CELF2: variants seen among roughly 807,000 people sequenced by gnomAD.
CELF2 encodes CUG triplet repeat RNA-binding protein 2.
Under a neutral mutation model 62.6 loss-of-function variants are expected in CELF2, and 8 were observed. The observed-to-expected ratio is 0.13, with a 90% confidence interval of 0.07 to 0.23. CELF2 has a LOEUF of 0.23. Ranked by LOEUF, CELF2 falls within the 10% of genes least tolerant of loss-of-function variation. CELF2 has a pLI of 1.00. For synonymous variants in CELF2, 258 were observed against 250.0 expected (o/e 1.03, Z -0.30); for missense variants, 333 against 671.0 (o/e 0.50, Z 5.56).
chr10:11,310,842 G>T lies in CELF2; in HGVS notation c.977-3297G>T, dbSNP rs1221957891. Among the ~76,000 whole-genome samples the T allele has an allele frequency of 7.3e-5, 11 of 150,902 alleles. No individual in the cohort carries two copies. The Admixed American group carries it at 7.3e-4, about 10-fold the overall frequency. On this transcript the variant is annotated intron_variant, in intron 9 of 12. Transcript: ENST00000633077. ...GGAAAAACCCTAAAATGTATAGTAA[G>T]ATTTTTTAAAATATTTTTAATGACA...
the CELF2 span, among the ~76,000 whole-genome samples, chr10:10,494,323 A>G: frequency 6.6e-6 from 1 of 152,242 alleles, no homozygotes; most frequent in South Asian, 2.1e-4. Flanking sequence ...AATTTCTAAT[A>G]ACACATGGAC....
chr10:10,714,732 A>T, the CELF2 span, among the ~76,000 whole-genome samples: 1 of 152,194 alleles, frequency 6.6e-6, no homozygotes, highest in Non-Finnish European at 1.5e-5. Context: ...AAAATGTAAA[A>T]GTGGGCATGT....
At chr10:10,574,291 T>G in the CELF2 span, among the ~76,000 whole-genome samples, 3,369 of 152,220 alleles carry the variant, frequency 0.022, 128 homozygotes, top group African/African-American at 0.076. Context: ...CTGTCATCAG[T>G]AGGACCAACT....
rs1215779199 is a variant in CELF2, at chr10:11,290,547, CCACT to C, written c.976+1998_976+2001del. 6.6e-6 allele frequency among the ~76,000 whole-genome samples: 1 copy of C among 151,802 alleles called. No individual in the cohort carries two copies. The highest frequency in any genetic ancestry group is 1.5e-5 in the Non-Finnish European group (1 of 67,944). The stretch of plus-strand genomic sequence containing the variant: ...TCTAAAAAAAAAAAAAAAATGTGGG[CCACT>C]CAGACGGTCTAGGGCGACGGCCTAG... On this transcript the variant is annotated intron_variant, in intron 9 of 12. Transcript: ENST00000633077. The surrounding 1 kb of genome is among the most constrained non-coding windows in gnomAD (Gnocchi z 4.3).
chr10:10,845,988 G>C (rs531231832), intron 1 of CELF2: 1 of 289,834 alleles, frequency 3.5e-6, no homozygotes, highest in African/African-American at 2.3e-5. Flanking sequence ...ACATCAAGAC[G>C]TAAGTGCGTC....
At position 11,211,426 on chromosome 10, in the gene CELF2, G is replaced by A. The variant is rs773925465; in HGVS notation, c.272-5999G>A. Among the ~76,000 whole-genome samples the A allele has an allele frequency of 4.0e-4, 61 of 152,130 alleles. No homozygotes were observed. The highest frequency in any genetic ancestry group is 8.4e-4 in the Non-Finnish European group (57 of 68,036). On this transcript the variant is annotated intron_variant, in intron 2 of 12. Transcript: ENST00000633077. The surrounding 1 kb of genome is among the most constrained non-coding windows in gnomAD (Gnocchi z 4.8). ...TGAGTATGGTGTCAGTTTTCTTAAG[G>A]GCAGAATGAGTTTAAAATCTGACCT... is the stretch of plus-strand genomic sequence containing the variant.
chr10:10,632,816 C>A, the CELF2 span, among the ~76,000 whole-genome samples: 5 of 152,178 alleles, frequency 3.3e-5, no homozygotes, highest in Admixed American at 3.3e-4. Context: ...CAATGGTGAT[C>A]ACCAAGGCTC....
At chr10:10,486,585 T>C in the CELF2 span, among the ~76,000 whole-genome samples, 1 of 152,148 alleles carries the variant, frequency 6.6e-6, no homozygotes, top group South Asian at 2.1e-4. Context: ...TTTTGTCATA[T>C]TTGCATTATA....
At chr10:10,682,926 T>C in the CELF2 span, among the ~76,000 whole-genome samples, 1 of 152,172 alleles carries the variant, frequency 6.6e-6, no homozygotes, top group Admixed American at 6.5e-5. Context: ...AGCAGTCAGC[T>C]GTATATGAAC....
Position 11,332,039 on chromosome 10 carries a change from G to A in CELF2, c.*2986G>A, listed in dbSNP as rs1566057392. 6.6e-6 allele frequency: 1 copy of A among 152,084 alleles called. No homozygotes were observed. The highest frequency in any genetic ancestry group is 2.4e-5 in the African/African-American group (1 of 41,378). 9.4% of individuals were successfully genotyped at this position (152,084 alleles called of 1,614,324 possible). ...CAATTCCACGAGGCCAATCTAAAGG[G>A]AAAAAATCCTACACTACTTTTACTA... On this transcript the variant is annotated 3_prime_UTR_variant, in exon 13 of 13. Transcript: ENST00000633077.
At chr10:10,568,961 G>A in the CELF2 span, among the ~76,000 whole-genome samples, 2 of 152,078 alleles carry the variant, frequency 1.3e-5, no homozygotes, top group African/African-American at 4.8e-5. Context: ...ATGCTTTCAG[G>A]CCATTCCTTC....
rs541813848 is a variant in CELF2, at chr10:10,924,475, A to G, written c.89+4476A>G. Among the ~76,000 whole-genome samples, 3 of 152,258 alleles carry G rather than the reference A, an allele frequency of 2.0e-5. No homozygotes were observed. In the South Asian group the frequency reaches 6.2e-4, roughly 32 times the overall value. ...ATGAAGGGATATAATAGACCTTAAC[A>G]GAAGTATCTTAAGTACTGCAGTAGA... On this transcript the variant is annotated intron_variant, in intron 2 of 13. Coordinates refer to the CELF2 transcript ENST00000636488.
chr10:10,870,355 C>G (rs1017572528), intron 1 of CELF2, among the ~76,000 whole-genome samples: 2 of 151,922 alleles, frequency 1.3e-5, no homozygotes, highest in Non-Finnish European at 2.9e-5. Context: ...TTTAAGTCTT[C>G]TCAATAATTA....
Position 11,075,532 on chromosome 10 carries a change from A to G in CELF2, c.74+57369A>G, listed in dbSNP as rs1022255363. 5.3e-5 allele frequency among the ~76,000 whole-genome samples: 8 copies of G among 152,194 alleles called. No individual in the cohort carries two copies. The highest frequency in any genetic ancestry group is 2.9e-5 in the Non-Finnish European group (2 of 68,026). On this transcript the variant is annotated intron_variant, in intron 1 of 12. Transcript: ENST00000633077. This position sits in a 1 kb window ranked among gnomAD's most constrained non-coding sequence, Gnocchi z 5.4. ...GTTGAAGGTGTTTTATTCTATCTGC[A>G]AAGAGCTCTAAGAAACTCAAAAGAA...
chr10:10,577,614 T>C, the CELF2 span, among the ~76,000 whole-genome samples: 1 of 151,486 alleles, frequency 6.6e-6, no homozygotes, highest in Non-Finnish European at 1.5e-5. Flanking sequence ...GCGGTGTTTG[T>C]TTTTTTGTCC....
chr10:11,240,137 TA>T, intron 3 of CELF2, among the ~76,000 whole-genome samples: 1 of 152,360 alleles, frequency 6.6e-6, no homozygotes, highest in South Asian at 2.1e-4. Context: ...GGAGGTTAGG[TA>T]AATGCCATAT....
At chr10:10,905,616 C>A (rs549528472) in intron 1 of CELF2, among the ~76,000 whole-genome samples, 2 of 151,146 alleles carry the variant, frequency 1.3e-5, no homozygotes, top group African/African-American at 4.9e-5. Context: ...TGGTGGCTCA[C>A]GCCTGTAATC....
chr10:10,664,531 G>C, the CELF2 span, among the ~76,000 whole-genome samples: 1 of 152,282 alleles, frequency 6.6e-6, no homozygotes, highest in African/African-American at 2.4e-5. Flanking sequence ...AAACAAAAGA[G>C]AAAAGGTGAA....
intron 1 of CELF2, among the ~76,000 whole-genome samples, chr10:11,066,112 C>A (rs2068085629): frequency 1.3e-5 from 2 of 152,160 alleles, no homozygotes; most frequent in South Asian, 4.1e-4. Context: ...GGGTCCCAGC[C>A]ACACAGGGCC....
Sources: allele counts gnomAD v4.1 joint callset (sites outside exome capture counted in the v4.1 genomes callset), GRCh38; gene constraint gnomAD v4.1.1; non-coding constraint Gnocchi (gnomAD v3.1); transcripts MANE v1.5; gene names NCBI Gene and HGNC (gene_info 2026-07-23, HGNC 2026-07-21).